The following MYO5B variants were observed in gnomAD, a reference collection of about 807,000 sequenced individuals.
MYO5B encodes unconventional myosin-Vb.
A neutral mutation model predicts 229.3 loss-of-function variants in MYO5B; 143 were observed. The ratio of observed to expected loss-of-function variants is 0.62; its 90% CI spans 0.54 to 0.72. The LOEUF (loss-of-function observed/expected upper bound fraction) is 0.72, where lower values mean the gene tolerates loss of function less well. Ranked by LOEUF, MYO5B falls within the 30% of genes least tolerant of loss-of-function variation. MYO5B has a pLI of 0.00. For synonymous variants in MYO5B, 918 were observed against 885.2 expected, an observed-to-expected ratio of 1.04 and a Z score of -0.66; for missense variants, 2,321 against 2,331.0, an observed-to-expected ratio of 1.00 and a Z score of 0.09.
At chr18:50,132,892 C>T (rs1327267272) in intron 1 of MYO5B, among the ~76,000 whole-genome samples, 1 of 152,230 alleles carries the variant, frequency 6.6e-6, no homozygotes. Context: ...CTTCTCACAG[C>T]TCCCTGGTTA....
intron 1 of MYO5B, among the ~76,000 whole-genome samples, chr18:50,093,466 T>A (rs1029514879): frequency 6.6e-6 from 1 of 152,136 alleles, no homozygotes; most frequent in African/African-American, 2.4e-5. Flanking sequence ...TCATGTTCAG[T>A]GGGATGTTAA....
At chr18:50,122,361 G>C (rs545879612) in intron 1 of MYO5B, among the ~76,000 whole-genome samples, 10 of 146,762 alleles carry the variant, frequency 6.8e-5, no homozygotes, top group East Asian at 2.0e-4. Flanking sequence ...CAGCACTTTC[G>C]CAGGCCGAGG....
intron 1 of MYO5B, among the ~76,000 whole-genome samples, chr18:50,059,324 T>C (rs571310065): frequency 1.7e-4 from 26 of 152,338 alleles, no homozygotes; most frequent in Admixed American, 3.3e-4. Context: ...GGGATGTATA[T>C]TTAGTTGGGT....
chr18:49,877,691 G>C, intron 25 of MYO5B, 72 bp downstream of exon 25: 1 of 1,603,732 alleles, frequency 6.2e-7, no homozygotes, highest in Non-Finnish European at 8.5e-7. Flanking sequence ...ATTTCTCTTG[G>C]ACAGTTCCAC....
chr18:50,084,133 T>G (rs937133138), intron 1 of MYO5B, among the ~76,000 whole-genome samples: 1 of 152,166 alleles, frequency 6.6e-6, no homozygotes, highest in Non-Finnish European at 1.5e-5. Context: ...TAGCAGCACA[T>G]GTTGCCAATT....
intron 1 of MYO5B, among the ~76,000 whole-genome samples, chr18:50,191,359 A>G (rs1219800942): frequency 6.6e-6 from 1 of 152,130 alleles, no homozygotes; most frequent in Non-Finnish European, 1.5e-5. Flanking sequence ...GAACTCTAAT[A>G]TTTGTTTGGG....
At chr18:50,032,004 C>T (rs1277604267) in intron 4 of MYO5B, among the ~76,000 whole-genome samples, 1 of 152,140 alleles carries the variant, frequency 6.6e-6, no homozygotes, top group Non-Finnish European at 1.5e-5. Context: ...CTCGTTTGGC[C>T]AACTTTGTAC....
At chr18:49,897,275 C>T (rs368786268) in intron 21 of MYO5B, among the ~76,000 whole-genome samples, 22 of 152,252 alleles carry the variant, frequency 1.4e-4, no homozygotes, top group Admixed American at 4.6e-4. Context: ...CCCACACCCT[C>T]GGAGACCCCA....
At position 50,043,636 on chromosome 18, in the gene MYO5B, T is replaced by TAAATATATTTATAAATATGTAAATATATA. The variant is rs1431252359; in HGVS notation, c.139-3351_139-3323dup. 8.0e-4 allele frequency among the ~76,000 whole-genome samples: 109 copies of TAAATATATTTATAAATATGTAAATATATA among 135,946 alleles called. 1 individual carries two copies. Among genetic ancestry groups the TAAATATATTTATAAATATGTAAATATATA allele is most frequent in the African/African-American group, 2.9e-3 (107 of 36,594 alleles). 89.2% of individuals were successfully genotyped at this position (135,946 alleles called of 152,430 possible). ...AATATATATAAATATATAAATATAT[T>TAAATATATTTATAAATATGTAAATATATA]AAATATATTTATAAATATGTAAATA... On this transcript the variant is annotated intron_variant, in intron 2 of 39. Coordinates refer to ENST00000285039, the MANE Select transcript of MYO5B (RefSeq NM_001080467.3).
intron 21 of MYO5B, 66 bp from the exon 22 acceptor site, chr18:49,895,240 A>G: frequency 7.2e-7 from 1 of 1,389,114 alleles, no homozygotes. Flanking sequence ...TTATTTTACC[A>G]GGGAAAAAGC....
intron 16 of MYO5B, among the ~76,000 whole-genome samples, chr18:49,932,786 G>T (rs1626800): frequency 0.53 from 80,604 of 151,860 alleles, 21,752 homozygotes; most frequent in Middle Eastern, 0.71. Flanking sequence ...AGGGGATATG[G>T]GAGGCCAGCT....
At chr18:49,926,029 C>T (rs1370511395) in intron 17 of MYO5B, among the ~76,000 whole-genome samples, 1 of 152,130 alleles carries the variant, frequency 6.6e-6, no homozygotes, top group Non-Finnish European at 1.5e-5. Context: ...TGTGTTCAGA[C>T]CCTAAGGTCA....
chr18:50,111,333 A>G (rs2031860745), intron 1 of MYO5B, among the ~76,000 whole-genome samples: 1 of 152,246 alleles, frequency 6.6e-6, no homozygotes, highest in Non-Finnish European at 1.5e-5. Context: ...TAAAACTACA[A>G]AATCTCTACT....
chr18:49,824,324 T>C lies in MYO5B; in HGVS notation c.*2147A>G, dbSNP rs2023813709. On this transcript the variant is annotated 3_prime_UTR_variant, in exon 40 of 40. Transcript: ENST00000285039. ...AATTCCAGGATATACCTTTATCTTTTGGAAGAGAAGAACTAAATCTGCCAT... is the reference window on the plus strand; with the variant it reads ...AATTCCAGGATATACCTTTATCTTTCGGAAGAGAAGAACTAAATCTGCCAT... 6.6e-6 allele frequency: 1 copy of C among 152,420 alleles called. No homozygotes were observed. The highest frequency in any genetic ancestry group is 2.1e-4 in the South Asian group (1 of 4,834). The allele number at this position is 152,420 out of a possible 1,614,324, so 9.4% of individuals were successfully genotyped here. A position where few individuals can be genotyped will look rare whatever the true frequency, so the allele number is the denominator to read the frequency against.
intron 4 of MYO5B, among the ~76,000 whole-genome samples, chr18:50,032,459 A>T (rs1320952226): frequency 6.6e-6 from 1 of 152,238 alleles, no homozygotes; most frequent in Non-Finnish European, 1.5e-5. Flanking sequence ...AAATGGAATT[A>T]GACAACACGT....
At chr18:50,078,315 T>C (rs1023968652) in intron 1 of MYO5B, among the ~76,000 whole-genome samples, 4 of 152,184 alleles carry the variant, frequency 2.6e-5, no homozygotes, top group Admixed American at 1.3e-4. Flanking sequence ...CATCACTATA[T>C]GCCATTTAGT....
At position 49,852,167 on chromosome 18, in the gene MYO5B, T is replaced by C. The variant is rs560722891; in HGVS notation, c.4221+1282A>G. Among the ~76,000 whole-genome samples the C allele has an allele frequency of 1.1e-4, 17 of 152,372 alleles. No individual in the cohort carries two copies. The South Asian group carries it at 2.3e-3, about 20-fold the overall frequency. On this transcript the variant is annotated intron_variant, in intron 31 of 39. Transcript: ENST00000285039. Reference sequence around the variant, plus strand: ...GTCACTAACTCTCCTAAGTGTGGCCTTGGCAACCTTGTGTTGGTGTGCCGT... The same window carrying C: ...GTCACTAACTCTCCTAAGTGTGGCCCTGGCAACCTTGTGTTGGTGTGCCGT...
chr18:50,120,538 T>G (rs998708958), intron 1 of MYO5B, among the ~76,000 whole-genome samples: 2 of 152,132 alleles, frequency 1.3e-5, no homozygotes, highest in African/African-American at 4.8e-5. Context: ...CTAGGAGCAT[T>G]TGTCTACCGT....
intron 29 of MYO5B, among the ~76,000 whole-genome samples, chr18:49,859,154 G>C (rs202120632): frequency 1.3e-5 from 2 of 152,320 alleles, no homozygotes; most frequent in East Asian, 3.9e-4. Flanking sequence ...AGCCCCACCT[G>C]TAATGAGCCC....
Sources: gnomAD v4.1 joint callset for allele counts (sites outside exome capture counted in the v4.1 genomes callset) on GRCh38, gnomAD v4.1.1 for gene constraint, MANE v1.5 for transcripts, NCBI Gene and HGNC (gene_info 2026-07-23, HGNC 2026-07-21) for gene names.